The following TMEM201 variants were observed in gnomAD, a reference collection of about 807,000 sequenced individuals.
The protein encoded by TMEM201 is transmembrane protein 201.
A neutral mutation model predicts 63.4 loss-of-function variants in TMEM201; 26 were observed. The observed-to-expected ratio is 0.41, with a 90% CI of 0.30 to 0.57. TMEM201 has a LOEUF of 0.57. Ranked by LOEUF, TMEM201 falls within the 20% of genes least tolerant of loss-of-function variation. The probability of loss-of-function intolerance (pLI) is 0.29; values close to 1 mark genes in which losing one functional copy is unlikely to be tolerated. For synonymous variants in TMEM201, 417 were observed against 421.6 expected, an observed-to-expected ratio of 0.99 and a Z score of 0.14; for missense variants, 794 against 917.7, an observed-to-expected ratio of 0.87 and a Z score of 1.74.
chr1:9,611,169 T>C, intron 9 of TMEM201: 1 of 752,222 alleles, frequency 1.3e-6, no homozygotes, highest in Non-Finnish European at 1.9e-6. Context: ...AACCTACAAC[T>C]TTCAACTTTC....
intron 4 of TMEM201, among the ~76,000 whole-genome samples, chr1:9,600,085 CTGTGTCCCAGCTGCAGACT>C (rs1157605297): frequency 2.0e-5 from 3 of 152,166 alleles, no homozygotes; most frequent in African/African-American, 7.2e-5. Flanking sequence ...GGTAGCACGG[CTGTGTCCCAGCTGCAGACT>C]GGAAACCACA....
chr1:9,594,484 C>T (rs1488604674), intron 1 of TMEM201, among the ~76,000 whole-genome samples: 1 of 152,162 alleles, frequency 6.6e-6, no homozygotes, highest in African/African-American at 2.4e-5. Context: ...GGCTTTTTTG[C>T]GTACATACTC....
chr1:9,611,658 T>C (rs2100529130), intron 9 of TMEM201, 95 bp from the exon 10 acceptor site: 1 of 1,511,836 alleles, frequency 6.6e-7, no homozygotes. Flanking sequence ...TCACCACTTC[T>C]GACAACTGTC....
At chr1:9,597,652 G>C (rs1376876359) in intron 3 of TMEM201, among the ~76,000 whole-genome samples, 1 of 152,218 alleles carries the variant, frequency 6.6e-6, no homozygotes, top group Admixed American at 6.5e-5. Flanking sequence ...GCCAGCCCAG[G>C]GAGTCCTGTC....
chr1:9,590,801 A>G (rs1481541502), intron 1 of TMEM201, among the ~76,000 whole-genome samples: 1 of 152,190 alleles, frequency 6.6e-6, no homozygotes, highest in African/African-American at 2.4e-5. Context: ...TAAATTGGCC[A>G]CTGTCACGAT....
chr1:9,602,753 C>G, intron 6 of TMEM201: 1 of 1,007,034 alleles, frequency 9.9e-7, no homozygotes, highest in African/African-American at 1.7e-5. Context: ...GTGCCCTGAC[C>G]GTGCAGCAGA....
In TMEM201 at chr1:9,596,017, G is replaced by T; in HGVS notation, c.234+7G>T. On this transcript the variant is annotated splice_region_variant and intron_variant, in intron 2 of 10. Transcript: ENST00000340381. Reference sequence around the variant, plus strand: ...GTACAACGGCTTCCAGGAGGTGTGGGTCACAGGCAGGCGGACGGGTGGGCA... The same window carrying T: ...GTACAACGGCTTCCAGGAGGTGTGGTTCACAGGCAGGCGGACGGGTGGGCA... 6.2e-7 allele frequency: 1 copy of T among 1,611,600 alleles called. No individual in the cohort carries two copies. Among genetic ancestry groups the T allele is most frequent in the Admixed American group, 1.7e-5 (1 of 59,988 alleles).
intron 5 of TMEM201, 55 bp downstream of exon 5, chr1:9,601,509 A>G: frequency 6.6e-7 from 1 of 1,511,080 alleles, no homozygotes; most frequent in Non-Finnish European, 8.9e-7. Flanking sequence ...GTGCTGGATT[A>G]CTGTCTAGGG....
At chr1:9,601,972 T>C in intron 5 of TMEM201, 97 bp from the exon 6 acceptor site, 1 of 1,416,812 alleles carries the variant, frequency 7.1e-7, no homozygotes, top group South Asian at 1.4e-5. Flanking sequence ...TGGACTCTTC[T>C]GAGCAGGGCC....
chr1:9,603,606 C>T lies in TMEM201; in HGVS notation c.1160+1334C>T, dbSNP rs1317826142. ...GTTGGAACCCCGGGGGAGGCAAGAG[C>T]AGATCACAGGTGCATGAGGGTTACA... On this transcript the variant is annotated intron_variant, in intron 6 of 10. Transcript: ENST00000340381. This position sits in a 1 kb window ranked among gnomAD's most constrained non-coding sequence, Gnocchi z 4.5. 2.5e-5 allele frequency: 25 copies of T among 985,372 alleles called. No individual in the cohort carries two copies. Among genetic ancestry groups the T allele is most frequent in the Non-Finnish European group, 3.0e-5 (25 of 829,988 alleles). 61.0% of individuals were successfully genotyped at this position (985,372 alleles called of 1,614,324 possible). A position where few individuals can be genotyped will look rare whatever the true frequency, so the allele number is the denominator to read the frequency against.
chr1:9,598,020 G>T (rs1051560020), intron 3 of TMEM201, among the ~76,000 whole-genome samples: 8 of 152,196 alleles, frequency 5.3e-5, no homozygotes, highest in African/African-American at 1.9e-4. Context: ...CTGGCCAGGG[G>T]CTCTCTAGCA....
intron 1 of TMEM201, 35 bp from the exon 2 acceptor site, chr1:9,595,855 C>G (rs1330601246): frequency 6.2e-7 from 1 of 1,610,832 alleles, no homozygotes; most frequent in Non-Finnish European, 8.5e-7. Flanking sequence ...GTGCTGGGGT[C>G]TTCCAGGCCA....
rs1472793431 is a variant in TMEM201, at chr1:9,603,368, G to A, written c.1160+1096G>A. On this transcript the variant is annotated intron_variant, in intron 6 of 10. Coordinates refer to ENST00000340381, the MANE Select transcript of TMEM201 (RefSeq NM_001130924.3). The surrounding 1 kb of genome is among the most constrained non-coding windows in gnomAD (Gnocchi z 4.5). ...AGGTGGCTCATGAGGACACACTCTG[G>A]AAGTCGAGGGGCTGCCACGTGCAGA... is the stretch of plus-strand genomic sequence containing the variant. The A allele has an allele frequency of 1.0e-6, 1 of 985,504 alleles. No individual in the cohort carries two copies. Among genetic ancestry groups the A allele is most frequent in the Non-Finnish European group, 1.2e-6 (1 of 829,976 alleles). The allele number at this position is 985,504 out of a possible 1,614,324, so 61.0% of individuals were successfully genotyped here.
rs1246443291 is a variant in TMEM201 at position 9,601,297 on chromosome 1, G to C, written c.799G>C (p.Gly267Arg). The C allele has an allele frequency of 6.2e-7, 1 of 1,610,224 alleles. No individual in the cohort carries two copies. The highest frequency in any genetic ancestry group is 2.2e-5 in the East Asian group (1 of 44,884). Residue 267 changes from glycine to arginine, a missense_variant, in exon 5 of 11, where the codon GGG becomes CGG. Coordinates refer to ENST00000340381, the MANE Select transcript of TMEM201 (RefSeq NM_001130924.3). ...SATPDNGTTP[G>R]AEGWRQLLGL... ...CACACCTGACAATGGCACCACCCCT[G>C]GGGCCGAGGGCTGGCGGCAGTTGCT...
chr1:9,591,807 C>T (rs1392146626), intron 1 of TMEM201, among the ~76,000 whole-genome samples: 1 of 152,250 alleles, frequency 6.6e-6, no homozygotes, highest in African/African-American at 2.4e-5. Context: ...TGCGCACTCT[C>T]CCTGAGCAAC....
In TMEM201 at chr1:9,614,379, G is replaced by A. The variant is rs1644363201; in HGVS notation, c.*1296G>A. 1 of 151,960 alleles carries A rather than the reference G, an allele frequency of 6.6e-6. No homozygotes were observed. The highest frequency in any genetic ancestry group is 2.4e-5 in the African/African-American group (1 of 41,350). The allele number at this position is 151,960 out of a possible 1,614,324, so 9.4% of individuals were successfully genotyped here. On this transcript the variant is annotated 3_prime_UTR_variant, in exon 11 of 11. Transcript: ENST00000340381. ...GGATTCTTTTTTTTAAGCTTTGGGT[G>A]CTTTTTTAATACTTTTTTTTTTAAT... is the stretch of plus-strand genomic sequence containing the variant.
chr1:9,608,820 C>G lies in TMEM201; in HGVS notation c.1394-1020C>G, dbSNP rs1644282291. Among the ~76,000 whole-genome samples the G allele has an allele frequency of 6.6e-6, 1 of 152,182 alleles. No homozygotes were observed. Among genetic ancestry groups the G allele is most frequent in the Non-Finnish European group, 1.5e-5 (1 of 68,034 alleles). ...AGGCAGGGACACAGTAGCGACCTGT[C>G]TGAGGTAGCAGCAGAGGTCTTGGGG... On this transcript the variant is annotated intron_variant, in intron 7 of 10. Coordinates refer to ENST00000340381, the MANE Select transcript of TMEM201 (RefSeq NM_001130924.3). The surrounding 1 kb of genome is among the most constrained non-coding windows in gnomAD (Gnocchi z 4.3).
intron 1 of TMEM201, among the ~76,000 whole-genome samples, chr1:9,594,999 A>C (rs1643990405): frequency 6.6e-6 from 1 of 151,862 alleles, no homozygotes; most frequent in Non-Finnish European, 1.5e-5. Flanking sequence ...CTCGAGCTGG[A>C]GGTGGCCCCT....
In TMEM201 at chr1:9,605,047, C is replaced by A; in HGVS notation, c.1161-2510C>A. The A allele has an allele frequency of 1.0e-6, 1 of 983,884 alleles. No individual in the cohort carries two copies. The highest frequency in any genetic ancestry group is 1.2e-6 in the Non-Finnish European group (1 of 828,268). 60.9% of individuals were successfully genotyped at this position (983,884 alleles called of 1,614,324 possible). A position where few individuals can be genotyped will look rare whatever the true frequency, so the allele number is the denominator to read the frequency against. On this transcript the variant is annotated intron_variant, in intron 6 of 10. Coordinates refer to ENST00000340381, the MANE Select transcript of TMEM201 (RefSeq NM_001130924.3). This position sits in a 1 kb window ranked among gnomAD's most constrained non-coding sequence, Gnocchi z 5.7. ...TGGGCAGCTGTGTTTGGGGTACAGA[C>A]ACGTCCACAGGAGTCAGGTTTGGGA...
Sources: allele counts gnomAD v4.1 joint callset (sites outside exome capture counted in the v4.1 genomes callset), GRCh38; gene constraint gnomAD v4.1.1; non-coding constraint Gnocchi (gnomAD v3.1); transcripts MANE v1.5; gene names NCBI Gene and HGNC (gene_info 2026-07-23, HGNC 2026-07-21).